Variants in XKR4 observed in about 807,000 individuals in gnomAD.
XKR4 encodes XK-related protein 4.
Under a neutral mutation model 53.9 loss-of-function variants are expected in XKR4, and 12 were observed. That is an observed-to-expected ratio of 0.22 (90% CI 0.14 to 0.36). The LOEUF is 0.36. XKR4 is among the 10% of genes least tolerant of loss of function. The pLI is 1.00. For synonymous variants in XKR4, 354 were observed against 362.4 expected, an observed-to-expected ratio of 0.98 and a Z score of 0.26; for missense variants, 799 against 859.5, an observed-to-expected ratio of 0.93 and a Z score of 0.88.
At chr8:55,290,398 G>A (rs1819002349) in intron 1 of XKR4, among the ~76,000 whole-genome samples, 1 of 152,076 alleles carries the variant, frequency 6.6e-6, no homozygotes, top group African/African-American at 2.4e-5. Flanking sequence ...CCAAAGTGCT[G>A]GGATTACAGG....
intron 1 of XKR4, among the ~76,000 whole-genome samples, chr8:55,323,875 A>G (rs577824551): frequency 5.1e-4 from 78 of 151,548 alleles, no homozygotes; most frequent in Non-Finnish European, 5.7e-4. Context: ...TCACTATTCC[A>G]CTATTGTCTA....
intron 1 of XKR4, among the ~76,000 whole-genome samples, chr8:55,240,315 T>A (rs983342951): frequency 6.6e-6 from 1 of 152,116 alleles, no homozygotes; most frequent in Non-Finnish European, 1.5e-5. Context: ...ATATTAGACA[T>A]CAAAGCTAAC....
chr8:55,214,862 T>C lies in XKR4; in HGVS notation c.806+111568T>C, dbSNP rs73682905. On this transcript the variant is annotated intron_variant, in intron 1 of 2. Transcript: ENST00000327381. ...AACAAAACAAAGCATCATTTTTTTA[T>C]GTCTTTCTTGATGTATGAGAGAATT... Among the ~76,000 whole-genome samples the C allele has an allele frequency of 1.0e-2, 1,516 of 152,336 alleles. 29 individuals carry two copies. The highest frequency in any genetic ancestry group is 0.034 in the African/African-American group (1,410 of 41,574).
intron 1 of XKR4, among the ~76,000 whole-genome samples, chr8:55,266,846 G>A (rs575443912): frequency 1.4e-3 from 208 of 152,264 alleles, no homozygotes; most frequent in African/African-American, 4.8e-3. Flanking sequence ...GACAAAAAGT[G>A]TATATCCTGT....
chr8:55,216,150 A>T lies in XKR4; in HGVS notation c.806+112856A>T, dbSNP rs929398508. 4.6e-5 allele frequency among the ~76,000 whole-genome samples: 7 copies of T among 152,268 alleles called. No individual in the cohort carries two copies. In the South Asian group the frequency reaches 6.2e-4, roughly 13 times the overall value. On this transcript the variant is annotated intron_variant, in intron 1 of 2. Coordinates refer to ENST00000327381, the MANE Select transcript of XKR4 (RefSeq NM_052898.2). ...TACTATATTCATGGATAGGAAAATT[A>T]AAAATCATGCATTATCAATTCTCTA...
intron 2 of XKR4, among the ~76,000 whole-genome samples, chr8:55,410,266 C>G (rs929839445): frequency 6.6e-5 from 10 of 152,154 alleles, no homozygotes; most frequent in Non-Finnish European, 1.2e-4. Context: ...CTTGTCTCCT[C>G]CCTTCTCCAC....
chr8:55,500,513 C>T (rs1806421648), intron 2 of XKR4, among the ~76,000 whole-genome samples: 1 of 152,124 alleles, frequency 6.6e-6, no homozygotes, highest in Admixed American at 6.6e-5. Flanking sequence ...GACAACAGTC[C>T]TTCTCATCTA....
At chr8:55,444,802 A>G (rs933758355) in intron 2 of XKR4, among the ~76,000 whole-genome samples, 5 of 152,216 alleles carry the variant, frequency 3.3e-5, no homozygotes, top group African/African-American at 9.6e-5. Flanking sequence ...TTTAATATAC[A>G]CAGCCCCAAA....
At chr8:55,287,060 T>C (rs182445595) in intron 1 of XKR4, among the ~76,000 whole-genome samples, 12 of 147,648 alleles carry the variant, frequency 8.1e-5, no homozygotes, top group Non-Finnish European at 1.5e-4. Context: ...ATTGAAACTA[T>C]AGAAGAGAAA....
At chr8:55,521,220 T>G (rs1317436667) in intron 2 of XKR4, among the ~76,000 whole-genome samples, 2 of 152,224 alleles carry the variant, frequency 1.3e-5, no homozygotes, top group Non-Finnish European at 2.9e-5. Flanking sequence ...GTGGTACACA[T>G]AAGAAGAGAG....
chr8:55,116,099 T>G (rs1816302478), intron 1 of XKR4, among the ~76,000 whole-genome samples: 1 of 152,130 alleles, frequency 6.6e-6, no homozygotes, highest in East Asian at 1.9e-4. Flanking sequence ...GGTTCTGGGC[T>G]TATTTTTATA....
At chr8:55,218,018 A>G (rs760385050) in intron 1 of XKR4, among the ~76,000 whole-genome samples, 1 of 152,154 alleles carries the variant, frequency 6.6e-6, no homozygotes, top group Non-Finnish European at 1.5e-5. Flanking sequence ...TTTTGACTGG[A>G]TGTTTCAAAG....
intron 2 of XKR4, among the ~76,000 whole-genome samples, chr8:55,492,684 A>C (rs772009836): frequency 6.6e-6 from 1 of 152,014 alleles, no homozygotes; most frequent in African/African-American, 2.4e-5. Flanking sequence ...CTCAACTCCA[A>C]CTCCAGTTGA....
At chr8:55,463,723 C>G (rs543230657) in intron 2 of XKR4, among the ~76,000 whole-genome samples, 1 of 151,712 alleles carries the variant, frequency 6.6e-6, no homozygotes, top group African/African-American at 2.4e-5. Flanking sequence ...ATTGATAGAC[C>G]GCTAGCAAGA....
chr8:55,453,210 C>T, intron 2 of XKR4: 1 of 491,580 alleles, frequency 2.0e-6, no homozygotes, highest in East Asian at 6.1e-5. Context: ...CCCCTTGGCT[C>T]CGCTTCCAGG....
chr8:55,409,720 A>G (rs1290919234), intron 2 of XKR4, among the ~76,000 whole-genome samples: 1 of 152,172 alleles, frequency 6.6e-6, no homozygotes, highest in Non-Finnish European at 1.5e-5. Flanking sequence ...CTATGCTTAG[A>G]TGGCATACAT....
intron 2 of XKR4, among the ~76,000 whole-genome samples, chr8:55,463,523 G>A (rs935220778): frequency 1.3e-5 from 2 of 151,728 alleles, no homozygotes; most frequent in African/African-American, 4.8e-5. Context: ...AGAGAAAGTA[G>A]GAAAGATCGA....
At position 55,457,131 on chromosome 8, in the gene XKR4, AT is replaced by A. The variant is rs1279891086; in HGVS notation, c.1007-66142del. Among the ~76,000 whole-genome samples the A allele has an allele frequency of 2.9e-3, 368 of 126,418 alleles. 2 individuals carry two copies. Among genetic ancestry groups the A allele is most frequent in the African/African-American group, 9.5e-3 (349 of 36,590 alleles). 82.9% of individuals were successfully genotyped at this position (126,418 alleles called of 152,430 possible). On this transcript the variant is annotated intron_variant, in intron 2 of 2. Transcript: ENST00000327381. ...GTAAAATGACATATTCAAGTGCTGA[AT>A]TTTTTTTCCTTTTCTTTTTTTTTTT... is the stretch of plus-strand genomic sequence containing the variant.
chr8:55,483,623 C>A (rs1320381082), intron 2 of XKR4, among the ~76,000 whole-genome samples: 1 of 151,728 alleles, frequency 6.6e-6, no homozygotes, highest in Non-Finnish European at 1.5e-5. Context: ...AAAATGAAGT[C>A]TCAAGGGAAA....
Sources: gnomAD v4.1 joint callset for allele counts (sites outside exome capture counted in the v4.1 genomes callset) on GRCh38, gnomAD v4.1.1 for gene constraint, MANE v1.5 for transcripts, NCBI Gene and HGNC (gene_info 2026-07-23, HGNC 2026-07-21) for gene names.